Variants in TRAT1 observed in about 807,000 individuals in gnomAD.
TRAT1 encodes T-cell receptor-associated transmembrane adapter 1.
Under a neutral mutation model 20.0 loss-of-function variants are expected in TRAT1, and 20 were observed. That is an observed-to-expected ratio of 1.00 (90% CI 0.70 to 1.45). The LOEUF is 1.45. Among genes scored for constraint, TRAT1 ranks in the 40% most tolerant of loss-of-function variants. The probability of loss-of-function intolerance (pLI) is 0.00; values close to 1 mark genes in which losing one functional copy is unlikely to be tolerated. For missense variants in TRAT1, 237 were observed against 224.1 expected (o/e 1.06, Z -0.37); for synonymous variants, 77 against 74.2 (o/e 1.04, Z -0.20).
chr3:108,845,133 G>C (rs2922116), intron 3 of TRAT1, among the ~76,000 whole-genome samples: 80,906 of 151,886 alleles, frequency 0.53, 22,456 homozygotes, highest in African/African-American at 0.65. Context: ...TGCTCCTGAG[G>C]TTTATTACAC....
Position 108,840,649 on chromosome 3 carries a change from G to A in TRAT1, c.152+1682G>A, listed in dbSNP as rs575895401. ...TAAGTTTGCTGATTACCAATCCCAAGGGAGGATATAGGATAGCAAAGATCA... is the reference window on the plus strand; with the variant it reads ...TAAGTTTGCTGATTACCAATCCCAAAGGAGGATATAGGATAGCAAAGATCA... On this transcript the variant is annotated intron_variant, in intron 3 of 5. Coordinates refer to ENST00000295756, the MANE Select transcript of TRAT1 (RefSeq NM_016388.4). Among the ~76,000 whole-genome samples the A allele has an allele frequency of 2.0e-5, 3 of 152,150 alleles. No individual in the cohort carries two copies. The South Asian group carries it at 6.2e-4, about 32-fold the overall frequency.
chr3:108,838,391 TA>T (rs1945859957), intron 2 of TRAT1, among the ~76,000 whole-genome samples: 1 of 142,044 alleles, frequency 7.0e-6, no homozygotes, highest in African/African-American at 2.7e-5. Flanking sequence ...GATAGATAGA[TA>T]GATAGATAGA....
At chr3:108,853,022 G>A (rs1946010782) in intron 5 of TRAT1, among the ~76,000 whole-genome samples, 1 of 152,328 alleles carries the variant, frequency 6.6e-6, no homozygotes, top group South Asian at 2.1e-4. Context: ...AATCCAAAAT[G>A]AGCTCAAAAG....
At chr3:108,847,579 T>C (rs1945958919) in intron 4 of TRAT1, among the ~76,000 whole-genome samples, 1 of 152,204 alleles carries the variant, frequency 6.6e-6, no homozygotes, top group Non-Finnish European at 1.5e-5. Flanking sequence ...GCTGGATTGA[T>C]GGCAGGTGGG....
intron 3 of TRAT1, 130 bp from the exon 4 acceptor site, chr3:108,846,938 C>T (rs1388883647): frequency 1.6e-6 from 1 of 642,922 alleles, no homozygotes; most frequent in Middle Eastern, 2.5e-4. Context: ...AAGAACACAC[C>T]TACCGTGGTT....
intron 3 of TRAT1, among the ~76,000 whole-genome samples, chr3:108,844,481 G>A (rs1945921523): frequency 7.0e-6 from 1 of 143,430 alleles, no homozygotes; most frequent in African/African-American, 2.9e-5. Flanking sequence ...AACTACTTGA[G>A]GAATTTTTTA....
intron 2 of TRAT1, among the ~76,000 whole-genome samples, chr3:108,834,494 G>A (rs1464581819): frequency 6.6e-6 from 1 of 152,154 alleles, no homozygotes; most frequent in Non-Finnish European, 1.5e-5. Context: ...GAACTGCTCT[G>A]CAAACAGTTC....
intron 1 of TRAT1, among the ~76,000 whole-genome samples, chr3:108,825,140 A>T: frequency 6.6e-6 from 1 of 152,274 alleles, no homozygotes; most frequent in South Asian, 2.1e-4. Flanking sequence ...TTATATTTAG[A>T]TAGGTAAAAT....
chr3:108,845,463 G>A (rs1251224072), intron 3 of TRAT1, among the ~76,000 whole-genome samples: 3 of 152,078 alleles, frequency 2.0e-5, no homozygotes, highest in African/African-American at 7.2e-5. Context: ...TCATGAGCAG[G>A]GACTACTTGA....
At chr3:108,847,008 C>T in intron 3 of TRAT1, 60 bp from the exon 4 acceptor site, 18 of 1,121,702 alleles carry the variant, frequency 1.6e-5, no homozygotes, top group South Asian at 1.5e-4. Context: ...GCTGAGAAGT[C>T]AGTTATGAAT....
In TRAT1 at chr3:108,853,973, G is replaced by T. The variant is rs1946023382; in HGVS notation, c.*96G>T. The T allele has an allele frequency of 9.4e-6, 11 of 1,176,362 alleles. 1 individual carries two copies. In the South Asian group the frequency reaches 1.6e-4, roughly 17 times the overall value. The allele number at this position is 1,176,362 out of a possible 1,614,324, so 72.9% of individuals were successfully genotyped here. A position where few individuals can be genotyped will look rare whatever the true frequency, so the allele number is the denominator to read the frequency against. On this transcript the variant is annotated 3_prime_UTR_variant, in exon 6 of 6. Coordinates refer to ENST00000295756, the MANE Select transcript of TRAT1 (RefSeq NM_016388.4). ...GGACACAGAAGGACTTGGCAGCAGGGTGATGACCTGATCATTTGTTGATGG... is the reference window on the plus strand; with the variant it reads ...GGACACAGAAGGACTTGGCAGCAGGTTGATGACCTGATCATTTGTTGATGG...
At chr3:108,836,134 A>G (rs1040720248) in intron 2 of TRAT1, among the ~76,000 whole-genome samples, 5 of 152,116 alleles carry the variant, frequency 3.3e-5, no homozygotes, top group Non-Finnish European at 4.4e-5. Context: ...TGGCCAGGAT[A>G]GTCCCGATCT....
chr3:108,828,721 T>C (rs1351476567), intron 1 of TRAT1, among the ~76,000 whole-genome samples: 4 of 152,138 alleles, frequency 2.6e-5, no homozygotes, highest in African/African-American at 7.2e-5. Flanking sequence ...ATGTGGAAAA[T>C]TGAAGCAAAT....
At chr3:108,853,275 T>A (rs1422631814) in intron 5 of TRAT1, among the ~76,000 whole-genome samples, 2 of 152,144 alleles carry the variant, frequency 1.3e-5, no homozygotes, top group Non-Finnish European at 2.9e-5. Flanking sequence ...AACTGGAGTA[T>A]CGTTACTTGG....
At chr3:108,842,755 A>G (rs1576522757) in intron 3 of TRAT1, among the ~76,000 whole-genome samples, 1 of 152,302 alleles carries the variant, frequency 6.6e-6, no homozygotes, top group Non-Finnish European at 1.5e-5. Flanking sequence ...CCTTTCCGCC[A>G]AACTTTGGCG....
chr3:108,826,190 G>A (rs532380060), intron 1 of TRAT1, among the ~76,000 whole-genome samples: 177 of 151,762 alleles, frequency 1.2e-3, no homozygotes, highest in African/African-American at 4.1e-3. Context: ...CACAGATGAA[G>A]ATATGAAATC....
chr3:108,843,370 A>G (rs1239089283), intron 3 of TRAT1, among the ~76,000 whole-genome samples: 1 of 152,184 alleles, frequency 6.6e-6, no homozygotes, highest in East Asian at 1.9e-4. Context: ...TCTCCATTAA[A>G]AATACAAAAA....
intron 4 of TRAT1, among the ~76,000 whole-genome samples, 177 bp from the exon 5 acceptor site, chr3:108,848,989 G>T (rs1292942554): frequency 6.6e-6 from 1 of 152,120 alleles, no homozygotes; most frequent in Admixed American, 6.5e-5. Context: ...TTCACCGCCT[G>T]ATCTGCAGGT....
chr3:108,846,421 T>G (rs1331031908), intron 3 of TRAT1, among the ~76,000 whole-genome samples: 3 of 152,214 alleles, frequency 2.0e-5, no homozygotes, highest in Non-Finnish European at 4.4e-5. Context: ...CTACTACTTT[T>G]GGAGAATTTT....
Sources: allele counts gnomAD v4.1 joint callset (sites outside exome capture counted in the v4.1 genomes callset), GRCh38; gene constraint gnomAD v4.1.1; transcripts MANE v1.5; gene names NCBI Gene and HGNC (gene_info 2026-07-23, HGNC 2026-07-21).